TEKT3: variants seen among roughly 807,000 people sequenced by gnomAD.
TEKT3 encodes the protein tektin-3.
Under a neutral mutation model 49.8 loss-of-function variants are expected in TEKT3, and 49 were observed. That is an observed-to-expected ratio of 0.98 (90% confidence interval 0.78 to 1.25). The LOEUF (loss-of-function observed/expected upper bound fraction) is 1.25. Among genes scored for constraint, TEKT3 ranks in the 50% most tolerant of loss-of-function variants. The pLI is 0.00. For missense variants in TEKT3, 595 were observed against 629.5 expected (o/e 0.95, Z 0.59); for synonymous variants, 225 against 237.2 (o/e 0.95, Z 0.47).
At chr17:15,331,693 T>C (rs1911759769) in intron 2 of TEKT3, 79 bp from the exon 3 acceptor site, 2 of 1,100,966 alleles carry the variant, frequency 1.8e-6, no homozygotes, top group East Asian at 5.2e-5. Context: ...AGGCCACATC[T>C]GACTTAGTAT....
chr17:15,328,103 C>T (rs1911567693), intron 3 of TEKT3, 28 bp from the exon 4 acceptor site: 1 of 1,587,806 alleles, frequency 6.3e-7, no homozygotes, highest in African/African-American at 1.3e-5. Context: ...ATGGAAAGCA[C>T]TAATAAAAAC....
intron 4 of TEKT3, among the ~76,000 whole-genome samples, chr17:15,326,861 G>C (rs1033061977): frequency 6.6e-6 from 1 of 152,140 alleles, no homozygotes; most frequent in Non-Finnish European, 1.5e-5. Context: ...AGAGAAATTA[G>C]AACTAAACCA....
At chr17:15,319,314 T>C (rs1911153465) in intron 4 of TEKT3, among the ~76,000 whole-genome samples, 167 bp from the exon 5 acceptor site, 1 of 152,222 alleles carries the variant, frequency 6.6e-6, no homozygotes, top group South Asian at 2.1e-4. Flanking sequence ...TGCTCCATGA[T>C]ACTGGAATCT....
At chr17:15,320,683 C>A (rs531258090) in intron 4 of TEKT3, among the ~76,000 whole-genome samples, 1 of 152,264 alleles carries the variant, frequency 6.6e-6, no homozygotes, top group East Asian at 1.9e-4. Flanking sequence ...GAGCTAAATT[C>A]CCTTCACACA....
chr17:15,323,590 T>C (rs1911358751), intron 4 of TEKT3, among the ~76,000 whole-genome samples: 1 of 152,260 alleles, frequency 6.6e-6, no homozygotes, highest in Non-Finnish European at 1.5e-5. Flanking sequence ...AAATATTTCG[T>C]TGCATCCATG....
chr17:15,323,594 A>G lies in TEKT3; in HGVS notation c.663+4398T>C, dbSNP rs571265511. Among the ~76,000 whole-genome samples the G allele has an allele frequency of 5.2e-5, 8 of 152,382 alleles. No individual in the cohort carries two copies. In the East Asian group the frequency reaches 1.5e-3, roughly 29 times the overall value. On this transcript the variant is annotated intron_variant, in intron 4 of 8. Coordinates refer to ENST00000395930, the MANE Select transcript of TEKT3 (RefSeq NM_031898.3). Reference sequence around the variant, plus strand: ...AATTCATAAGAAAATATTTCGTTGCATCCATGTTTTTCAAAGGTAGGTCTT... The same window carrying G: ...AATTCATAAGAAAATATTTCGTTGCGTCCATGTTTTTCAAAGGTAGGTCTT...
At chr17:15,313,145 A>C (rs1218630867) in intron 6 of TEKT3, among the ~76,000 whole-genome samples, 1 of 152,248 alleles carries the variant, frequency 6.6e-6, no homozygotes, top group African/African-American at 2.4e-5. Context: ...CTAAATGCTC[A>C]AAAGTTTAAA....
chr17:15,321,065 A>C (rs917342529), intron 4 of TEKT3, among the ~76,000 whole-genome samples: 4 of 149,524 alleles, frequency 2.7e-5, no homozygotes, highest in Non-Finnish European at 5.9e-5. Context: ...GCCGGAGTGC[A>C]GTGGCGCGAT....
intron 4 of TEKT3, among the ~76,000 whole-genome samples, chr17:15,320,210 C>T (rs1911191467): frequency 1.3e-5 from 2 of 152,228 alleles, no homozygotes; most frequent in African/African-American, 2.4e-5. Flanking sequence ...AGCAGCAAAC[C>T]TGCCTAAATT....
intron 2 of TEKT3, among the ~76,000 whole-genome samples, chr17:15,339,172 C>G (rs1912124337): frequency 6.6e-6 from 1 of 152,052 alleles, no homozygotes; most frequent in Admixed American, 6.5e-5. Flanking sequence ...AATAAATTCA[C>G]CCCCGTTGTC....
intron 4 of TEKT3, among the ~76,000 whole-genome samples, chr17:15,319,378 T>A (rs1911156436): frequency 6.6e-6 from 1 of 152,178 alleles, no homozygotes; most frequent in Admixed American, 6.5e-5. Context: ...GAAATTATAT[T>A]ATGGAACAAG....
At chr17:15,336,482 A>G (rs996687378) in intron 2 of TEKT3, among the ~76,000 whole-genome samples, 7 of 152,118 alleles carry the variant, frequency 4.6e-5, no homozygotes, top group Admixed American at 1.3e-4. Context: ...TTCAGGCAAA[A>G]GGAAATTATA....
chr17:15,309,827 C>T (rs1249736869), intron 7 of TEKT3, among the ~76,000 whole-genome samples: 1 of 152,154 alleles, frequency 6.6e-6, no homozygotes, highest in African/African-American at 2.4e-5. Context: ...ATCGAGGCCT[C>T]TCTGACACCT....
At chr17:15,329,947 A>T (rs990767183) in intron 3 of TEKT3, among the ~76,000 whole-genome samples, 12 of 152,188 alleles carry the variant, frequency 7.9e-5, no homozygotes, top group African/African-American at 2.7e-4. Context: ...TCTTCTTTCA[A>T]TGGAGGAGGG....
At chr17:15,312,236 G>T (rs963406642) in intron 7 of TEKT3, 23 bp downstream of exon 7, 1 of 1,609,514 alleles carries the variant, frequency 6.2e-7, no homozygotes, top group Non-Finnish European at 8.5e-7. Context: ...TCAGCTAAGG[G>T]GTACCACTGG....
chr17:15,343,097 A>T (rs1293651229), upstream of TEKT3, among the ~76,000 whole-genome samples: 1 of 152,192 alleles, frequency 6.6e-6, no homozygotes, highest in Non-Finnish European at 1.5e-5. Context: ...AGTAGATCTG[A>T]TTGCCCACAA....
upstream of TEKT3, among the ~76,000 whole-genome samples, chr17:15,342,424 A>G (rs975280235): frequency 6.6e-6 from 1 of 152,214 alleles, no homozygotes; most frequent in African/African-American, 2.4e-5. Context: ...ATGCTAAAGA[A>G]AATAAAGCCC....
At position 15,319,762 on chromosome 17, in the gene TEKT3, A is replaced by C. The variant is rs189210375; in HGVS notation, c.664-615T>G. On this transcript the variant is annotated intron_variant, in intron 4 of 8. Coordinates refer to ENST00000395930, the MANE Select transcript of TEKT3 (RefSeq NM_031898.3). Reference sequence around the variant, plus strand: ...CACGTTGCCTTTTGATGCTGCTAGGATGTATCCACTAGCCCATAACATGTC... The same window carrying C: ...CACGTTGCCTTTTGATGCTGCTAGGCTGTATCCACTAGCCCATAACATGTC... Among the ~76,000 whole-genome samples, 318 of 152,304 alleles carry C rather than the reference A, an allele frequency of 2.1e-3. 3 individuals carry two copies. The Middle Eastern group carries it at 0.024, about 11-fold the overall frequency.
chr17:15,331,904 A>G (rs1051637469), intron 2 of TEKT3, among the ~76,000 whole-genome samples: 5 of 152,172 alleles, frequency 3.3e-5, no homozygotes. Flanking sequence ...AACAAATTCA[A>G]ATTAGGAGCC....
Sources: allele counts gnomAD v4.1 joint callset (sites outside exome capture counted in the v4.1 genomes callset), GRCh38; gene constraint gnomAD v4.1.1; transcripts MANE v1.5; gene names NCBI Gene and HGNC (gene_info 2026-07-23, HGNC 2026-07-21).